Variants in TBCK observed in about 807,000 individuals in gnomAD.
TBCK encodes TBC1 domain containing kinase.
TBCK carries 99 observed loss-of-function variants against 113.4 expected under a neutral mutation model. That is an observed-to-expected ratio of 0.87 (90% confidence interval 0.74 to 1.03). The LOEUF (loss-of-function observed/expected upper bound fraction) is 1.03. TBCK is among the 50% of genes least tolerant of loss of function. The probability of loss-of-function intolerance (pLI) is 0.00; values close to 1 mark genes in which losing one functional copy is unlikely to be tolerated. For missense variants in TBCK, 1,045 were observed against 1,061.3 expected, an observed-to-expected ratio of 0.98 and a Z score of 0.21; for synonymous variants, 369 against 370.8, an observed-to-expected ratio of 1.00 and a Z score of 0.05.
chr4:106,084,105 A>G (rs911568722), intron 25 of TBCK, among the ~76,000 whole-genome samples: 1 of 152,202 alleles, frequency 6.6e-6, no homozygotes, highest in African/African-American at 2.4e-5. Flanking sequence ...GTGACAGAAG[A>G]AGGCTCCAGA....
chr4:106,251,111 T>A (rs540356681), intron 6 of TBCK: 21 of 391,768 alleles, frequency 5.4e-5, no homozygotes, highest in South Asian at 4.1e-4. Context: ...AATGATTGTG[T>A]GCCAAATTGG....
At chr4:106,190,413 C>G (rs1156339047) in intron 22 of TBCK, among the ~76,000 whole-genome samples, 3 of 152,182 alleles carry the variant, frequency 2.0e-5, no homozygotes, top group Admixed American at 6.5e-5. Flanking sequence ...GTCCACTCAT[C>G]TGATGGTGAT....
chr4:106,302,472 T>C (rs1391294223), intron 2 of TBCK, among the ~76,000 whole-genome samples: 1 of 152,092 alleles, frequency 6.6e-6, no homozygotes, highest in East Asian at 1.9e-4. Flanking sequence ...AGAGGCCCGT[T>C]TAGGTAGAGG....
chr4:106,169,486 A>T (rs1750755411), intron 23 of TBCK, among the ~76,000 whole-genome samples: 1 of 152,108 alleles, frequency 6.6e-6, no homozygotes, highest in East Asian at 1.9e-4. Context: ...AGAGGATATA[A>T]TTCAAAATTT....
chr4:106,217,912 T>C (rs1193930853), intron 19 of TBCK, among the ~76,000 whole-genome samples: 1 of 144,672 alleles, frequency 6.9e-6, no homozygotes, highest in Non-Finnish European at 1.5e-5. Flanking sequence ...CATCGCCAAG[T>C]CAATCCTAAG....
At chr4:106,094,137 T>C (rs1046314244) in intron 25 of TBCK, among the ~76,000 whole-genome samples, 1 of 152,210 alleles carries the variant, frequency 6.6e-6, no homozygotes, top group Non-Finnish European at 1.5e-5. Context: ...TATGAAATCA[T>C]ATGGCATAGT....
intron 25 of TBCK, among the ~76,000 whole-genome samples, chr4:106,066,032 A>C (rs1462392022): frequency 6.6e-6 from 1 of 152,082 alleles, no homozygotes; most frequent in African/African-American, 2.4e-5. Flanking sequence ...TATAGCAATA[A>C]ACCGCTAATC....
At chr4:106,159,723 C>G (rs1749540408) in intron 23 of TBCK, among the ~76,000 whole-genome samples, 1 of 151,936 alleles carries the variant, frequency 6.6e-6, no homozygotes, top group Admixed American at 6.6e-5. Context: ...CCTACAGATT[C>G]AACACATTCT....
intron 25 of TBCK, among the ~76,000 whole-genome samples, chr4:106,058,725 T>G (rs1204826977): frequency 1.3e-5 from 2 of 151,726 alleles, no homozygotes; most frequent in African/African-American, 2.4e-5. Context: ...ATGATTAGGA[T>G]TCGAACTTCA....
rs1427243179 is a variant in TBCK at position 106,043,800 on chromosome 4, C to T, written c.*2770G>A. The T allele has an allele frequency of 2.6e-5, 4 of 151,562 alleles. No individual in the cohort carries two copies. The highest frequency in any genetic ancestry group is 4.4e-5 in the Non-Finnish European group (3 of 67,884). 9.4% of individuals were successfully genotyped at this position (151,562 alleles called of 1,614,324 possible). A position where few individuals can be genotyped will look rare whatever the true frequency, so the allele number is the denominator to read the frequency against. ...GCTGGTGGTGGTACTTATGGCATTC[C>T]AGGTAAAGCCAGAAACAGTGCTGAT... On this transcript the variant is annotated 3_prime_UTR_variant, in exon 26 of 26. Coordinates refer to ENST00000394708, the MANE Select transcript of TBCK (RefSeq NM_001163435.3).
intron 20 of TBCK, 142 bp from the exon 21 acceptor site, chr4:106,194,896 G>A: frequency 1.3e-6 from 1 of 795,584 alleles, no homozygotes; most frequent in Non-Finnish European, 1.9e-6. Flanking sequence ...AGAATGTAGT[G>A]TTAAGTTTAG....
At chr4:106,070,312 T>C (rs1167016820) in intron 25 of TBCK, among the ~76,000 whole-genome samples, 1 of 152,190 alleles carries the variant, frequency 6.6e-6, no homozygotes, top group Non-Finnish European at 1.5e-5. Flanking sequence ...TGAGATACGT[T>C]CCATCAATAC....
chr4:106,233,654 C>A lies in TBCK; in HGVS notation c.1450-4G>T, dbSNP rs762010527. 1.9e-6 allele frequency: 3 copies of A among 1,599,738 alleles called. No homozygotes were observed. The highest frequency in any genetic ancestry group is 1.3e-5 in the African/African-American group (1 of 74,292). ...CGTACTTGGCATGAATAGCTCCCTG[C>A]AAAAAATAAAAGAAGATATATTAAT... On this transcript the variant is annotated splice_region_variant and splice_polypyrimidine_tract_variant and intron_variant, in intron 15 of 25. Transcript: ENST00000394708.
rs182050667 is a variant in TBCK, at chr4:106,288,162, G to T, written c.266+6932C>A. The stretch of plus-strand genomic sequence containing the variant: ...CAATCCCAGAACTCTGGGAGGCCGA[G>T]GCAGGCAGACTGCCTGAGCTCAGGA... On this transcript the variant is annotated intron_variant, in intron 3 of 25. Transcript: ENST00000394708. Among the ~76,000 whole-genome samples the T allele has an allele frequency of 2.4e-4, 36 of 151,418 alleles. 1 individual carries two copies. In the East Asian group the frequency reaches 7.0e-3, roughly 29 times the overall value.
chr4:106,242,644 C>A, intron 11 of TBCK, 75 bp from the exon 12 acceptor site: 1 of 975,324 alleles, frequency 1.0e-6, no homozygotes, highest in Non-Finnish European at 1.5e-6. Context: ...AAAGTTTATT[C>A]TAAGTCATCA....
At chr4:106,109,397 A>G (rs971371637) in intron 24 of TBCK, among the ~76,000 whole-genome samples, 32 of 152,224 alleles carry the variant, frequency 2.1e-4, no homozygotes, top group African/African-American at 7.5e-4. Flanking sequence ...ACAGTAACCA[A>G]AACAGCATGG....
chr4:106,298,172 G>A lies in TBCK; in HGVS notation c.194-3006C>T, dbSNP rs1286252059. On this transcript the variant is annotated intron_variant, in intron 2 of 25. Transcript: ENST00000394708. ...TATTTTGGTCCAGCCAGCATCATCA[G>A]TAACTCCACCTTATCCATGGTTTTA... Among the ~76,000 whole-genome samples the A allele has an allele frequency of 2.0e-5, 3 of 152,260 alleles. No individual in the cohort carries two copies. In the East Asian group the frequency reaches 5.8e-4, roughly 29 times the overall value.
chr4:106,109,993 G>T (rs1161093045), intron 24 of TBCK, among the ~76,000 whole-genome samples: 1 of 151,602 alleles, frequency 6.6e-6, no homozygotes, highest in African/African-American at 2.4e-5. Flanking sequence ...ATAACAAGGG[G>T]ATATAAAGGA....
intron 25 of TBCK, among the ~76,000 whole-genome samples, chr4:106,092,748 G>T (rs1348338584): frequency 1.3e-5 from 2 of 152,230 alleles, no homozygotes; most frequent in Non-Finnish European, 2.9e-5. Context: ...AATGTGCGCA[G>T]TCCCGGTTCC....
Sources: gnomAD v4.1 joint callset for allele counts (sites outside exome capture counted in the v4.1 genomes callset) on GRCh38, gnomAD v4.1.1 for gene constraint, MANE v1.5 for transcripts, NCBI Gene and HGNC (gene_info 2026-07-23, HGNC 2026-07-21) for gene names.